Variants in M1AP observed in about 807,000 individuals in gnomAD.
M1AP encodes meiosis 1 arrest protein.
Under a neutral mutation model 51.2 loss-of-function variants are expected in M1AP, and 39 were observed. The observed-to-expected ratio is 0.76, with a 90% CI of 0.59 to 1.00. M1AP has a LOEUF of 1.00. Among genes scored for constraint, M1AP ranks in the 50% least tolerant of loss-of-function variants. The pLI, the probability that M1AP is intolerant of heterozygous loss-of-function variation, is 0.00. For missense variants in M1AP, 545 were observed against 641.2 expected (o/e 0.85, Z 1.62); for synonymous variants, 251 against 249.2 (o/e 1.01, Z -0.07).
Position 74,622,543 on chromosome 2 carries a change from C to CTTTTT in M1AP, c.241-7399_241-7395dup, listed in dbSNP as rs534273779. On this transcript the variant is annotated intron_variant, in intron 2 of 10. Coordinates refer to ENST00000421985, the MANE Select transcript of M1AP (RefSeq NM_001321739.2). Reference sequence around the variant, plus strand: ...AGCCACCGCGCCCGGCCATTGCCTGCTTTTTTTTTTTTTTTTTTTTCTATT... The same window carrying CTTTTT: ...AGCCACCGCGCCCGGCCATTGCCTGCTTTTTTTTTTTTTTTTTTTTTTTTTCTATT... 1.6e-3 allele frequency among the ~76,000 whole-genome samples: 188 copies of CTTTTT among 117,292 alleles called. 2 individuals carry two copies. The highest frequency in any genetic ancestry group is 5.8e-3 in the African/African-American group (180 of 30,908). The allele number at this position is 117,292 out of a possible 152,430, so 76.9% of individuals were successfully genotyped here.
At chr2:74,560,987 T>G (rs1677886496) in intron 8 of M1AP, among the ~76,000 whole-genome samples, 1 of 149,632 alleles carries the variant, frequency 6.7e-6, no homozygotes, top group East Asian at 2.0e-4. Context: ...CTGGGGAGAC[T>G]AGCAGAGCAA....
intron 7 of M1AP, among the ~76,000 whole-genome samples, chr2:74,568,572 A>AT (rs931612329): frequency 6.6e-6 from 1 of 152,190 alleles, no homozygotes; most frequent in Admixed American, 6.5e-5. Context: ...AAACTAGCAG[A>AT]TTTTTTGGTG....
At chr2:74,606,975 T>A in intron 4 of M1AP, 80 bp downstream of exon 4, 2 of 1,211,154 alleles carry the variant, frequency 1.7e-6, no homozygotes, top group Admixed American at 1.8e-5. Flanking sequence ...ACATGTGCCA[T>A]GTTGGTGTGC....
At chr2:74,632,894 C>A (rs775638861) in intron 2 of M1AP, among the ~76,000 whole-genome samples, 7 of 152,008 alleles carry the variant, frequency 4.6e-5, no homozygotes, top group Non-Finnish European at 1.0e-4. Flanking sequence ...CTGAGGAGTG[C>A]CAGAAGGATA....
intron 2 of M1AP, chr2:74,618,928 C>G: frequency 1.9e-6 from 1 of 533,534 alleles, no homozygotes; most frequent in South Asian, 1.4e-5. Context: ...TGGGGAAAAG[C>G]GTCATTTCCT....
chr2:74,624,964 T>C (rs1682282797), intron 2 of M1AP, among the ~76,000 whole-genome samples: 1 of 152,226 alleles, frequency 6.6e-6, no homozygotes, highest in Admixed American at 6.5e-5. Flanking sequence ...GATAAGGTCC[T>C]AGAAGTGAAT....
intron 3 of M1AP, among the ~76,000 whole-genome samples, chr2:74,609,145 A>G (rs1035969388): frequency 2.0e-5 from 3 of 152,222 alleles, no homozygotes; most frequent in African/African-American, 4.8e-5. Context: ...ATTGTACAGT[A>G]GAACACCAGA....
chr2:74,561,088 GAGAAGGAGA>G (rs1677907905), intron 8 of M1AP, among the ~76,000 whole-genome samples: 288 of 105,302 alleles, frequency 2.7e-3, no homozygotes, highest in African/African-American at 5.3e-3. Flanking sequence ...GGAGGAGGAG[GAGAAGGAGA>G]AGGAGGAGGA....
At chr2:74,590,665 A>G (rs747516875) in intron 4 of M1AP, among the ~76,000 whole-genome samples, 2 of 152,162 alleles carry the variant, frequency 1.3e-5, no homozygotes, top group Non-Finnish European at 2.9e-5. Flanking sequence ...GGACTGCCCT[A>G]TGAGAGAAGC....
intron 4 of M1AP, among the ~76,000 whole-genome samples, chr2:74,590,334 C>T (rs1237008775): frequency 6.6e-6 from 1 of 151,848 alleles, no homozygotes; most frequent in Non-Finnish European, 1.5e-5. Flanking sequence ...AGCACTAATC[C>T]CATTCAGGAG....
chr2:74,563,145 C>A (rs374967365), intron 7 of M1AP, among the ~76,000 whole-genome samples: 23 of 151,992 alleles, frequency 1.5e-4, no homozygotes, highest in South Asian at 6.2e-4. Context: ...CTTTGGGAGG[C>A]CAAGCCAGGA....
At chr2:74,635,262 C>T (rs1049598435) in intron 2 of M1AP, among the ~76,000 whole-genome samples, 15 of 152,116 alleles carry the variant, frequency 9.9e-5, no homozygotes, top group African/African-American at 3.1e-4. Context: ...GTTAGATTTA[C>T]GTATGTAAAG....
intron 2 of M1AP, among the ~76,000 whole-genome samples, chr2:74,621,150 C>G (rs1191074844): frequency 6.6e-6 from 1 of 151,402 alleles, no homozygotes; most frequent in Non-Finnish European, 1.5e-5. Flanking sequence ...GGCGTAGTGG[C>G]GGGCGCCTGT....
At chr2:74,631,556 T>C (rs1032679511) in intron 2 of M1AP, among the ~76,000 whole-genome samples, 1 of 152,178 alleles carries the variant, frequency 6.6e-6, no homozygotes, top group Non-Finnish European at 1.5e-5. Context: ...TGCCAGCTAT[T>C]AGAGAAAATG....
Position 74,558,833 on chromosome 2 carries a change from G to A in M1AP, c.1476C>T (p.Ala492=). Residue 492 remains alanine (A), a synonymous_variant, in exon 11 of 11, where the codon GCC becomes GCT. Transcript: ENST00000421985. ...LQTNRARATV[A]PLPMTPVPGR... is the part of the protein sequence containing the mutation. ...CTGGGACAGGAGTCATAGGCAGGGGGGCCACAGTAGCTCGAGCTCGGTTGG... is the reference window on the plus strand; with the variant it reads ...CTGGGACAGGAGTCATAGGCAGGGGAGCCACAGTAGCTCGAGCTCGGTTGG... The A allele has an allele frequency of 6.2e-7, 1 of 1,604,002 alleles. No homozygotes were observed. Among genetic ancestry groups the A allele is most frequent in the Non-Finnish European group, 8.5e-7 (1 of 1,175,964 alleles).
intron 1 of M1AP, 123 bp from the exon 2 acceptor site, chr2:74,640,450 T>C: frequency 1.3e-6 from 1 of 764,506 alleles, no homozygotes; most frequent in East Asian, 2.8e-5. Context: ...CTAAAGCTTG[T>C]CCAGGCCATC....
intron 1 of M1AP, among the ~76,000 whole-genome samples, chr2:74,646,552 T>C (rs1430837327): frequency 1.3e-5 from 2 of 152,124 alleles, no homozygotes; most frequent in Non-Finnish European, 2.9e-5. Flanking sequence ...TTTTACAAAA[T>C]TGAAGGTACA....
chr2:74,608,144 GTC>G (rs1379262143), intron 3 of M1AP, among the ~76,000 whole-genome samples: 1 of 152,104 alleles, frequency 6.6e-6, no homozygotes, highest in Non-Finnish European at 1.5e-5. Flanking sequence ...CATTCTATGA[GTC>G]TAGACAAATG....
At chr2:74,575,206 C>A (rs907189222) in intron 7 of M1AP, 1 of 782,484 alleles carries the variant, frequency 1.3e-6, no homozygotes, top group Admixed American at 6.3e-5. Flanking sequence ...GCTTGCCAAT[C>A]GGGGATTTTC....
Sources: allele counts gnomAD v4.1 joint callset (sites outside exome capture counted in the v4.1 genomes callset), GRCh38; gene constraint gnomAD v4.1.1; transcripts MANE v1.5; gene names NCBI Gene and HGNC (gene_info 2026-07-23, HGNC 2026-07-21).